The following LRMDA variants were observed in gnomAD, a reference collection of about 807,000 sequenced individuals.
LRMDA encodes leucine-rich melanocyte differentiation-associated protein.
A neutral mutation model predicts 29.8 loss-of-function variants in LRMDA; 18 were observed. That is an observed-to-expected ratio of 0.60 (90% CI 0.42 to 0.90). LRMDA has a LOEUF of 0.90. Among genes scored for constraint, LRMDA ranks in the 40% least tolerant of loss-of-function variants. The probability of loss-of-function intolerance (pLI) is 0.00; values close to 1 mark genes in which losing one functional copy is unlikely to be tolerated. For synonymous variants in LRMDA, 125 were observed against 109.4 expected, an observed-to-expected ratio of 1.14 and a Z score of -0.89; for missense variants, 273 against 273.9, an observed-to-expected ratio of 1.00 and a Z score of 0.02.
chr10:75,974,559 C>T (rs1461553042), intron 2 of LRMDA, among the ~76,000 whole-genome samples: 1 of 152,140 alleles, frequency 6.6e-6, no homozygotes, highest in Non-Finnish European at 1.5e-5. Flanking sequence ...ACACTAAGGG[C>T]CAGGCCTATT....
At chr10:76,429,408 T>A (rs1490693998) in intron 6 of LRMDA, among the ~76,000 whole-genome samples, 2 of 152,124 alleles carry the variant, frequency 1.3e-5, no homozygotes, top group Admixed American at 1.3e-4. Flanking sequence ...CTTATGAAGA[T>A]TGCATGTCAA....
chr10:75,451,690 T>C (rs1844463530), intron 2 of LRMDA: 1 of 152,158 alleles, frequency 6.6e-6, no homozygotes, highest in African/African-American at 2.4e-5. Flanking sequence ...TGCTTTTGAC[T>C]TACTACACTT....
chr10:76,554,671 C>T (rs558347545), intron 6 of LRMDA, among the ~76,000 whole-genome samples: 24 of 152,266 alleles, frequency 1.6e-4, no homozygotes, highest in Non-Finnish European at 1.5e-4. Context: ...AAAGAAGGCT[C>T]GGGAATGTGG....
chr10:75,907,352 A>C (rs1210232973), intron 2 of LRMDA, among the ~76,000 whole-genome samples: 1 of 152,254 alleles, frequency 6.6e-6, no homozygotes, highest in Non-Finnish European at 1.5e-5. Flanking sequence ...TCATTAGCTT[A>C]GCCAGACACA....
chr10:76,373,566 CTG>C (rs921392847), intron 6 of LRMDA, among the ~76,000 whole-genome samples: 27 of 152,170 alleles, frequency 1.8e-4, no homozygotes, highest in African/African-American at 6.0e-4. Context: ...TTGTTATCTC[CTG>C]TGTTTTTTAA....
intron 2 of LRMDA, among the ~76,000 whole-genome samples, chr10:75,715,359 T>C (rs1842487275): frequency 6.6e-6 from 1 of 152,176 alleles, no homozygotes; most frequent in African/African-American, 2.4e-5. Flanking sequence ...TGTAGAAAGT[T>C]TGCAAAGATC....
chr10:75,876,398 T>A (rs1589237520), intron 2 of LRMDA, among the ~76,000 whole-genome samples: 1 of 152,110 alleles, frequency 6.6e-6, no homozygotes, highest in African/African-American at 2.4e-5. Context: ...GAAGCCAGTG[T>A]AGAAATTCAG....
chr10:75,799,595 A>G (rs1394973230), intron 2 of LRMDA, among the ~76,000 whole-genome samples: 1 of 149,642 alleles, frequency 6.7e-6, no homozygotes, highest in East Asian at 2.0e-4. Flanking sequence ...GCTCACTGCA[A>G]CCTCCGCCTC....
Position 75,438,486 on chromosome 10 carries a change from CCTT to C in LRMDA, c.126_128del (p.Leu43del), listed in dbSNP as rs1844288198. ...CAAAGAGGCTTGATCTGAGCTTTAA[CCTT>C]CTGAGGTATGTAACCTTCACAAGAT... On this transcript the variant is annotated inframe_deletion, in exon 2 of 7. Coordinates refer to ENST00000611255, the MANE Select transcript of LRMDA (RefSeq NM_001305581.2). 5.8e-6 allele frequency: 9 copies of C among 1,550,580 alleles called. No individual in the cohort carries two copies. Among genetic ancestry groups the C allele is most frequent in the Non-Finnish European group, 7.8e-6 (9 of 1,146,898 alleles).
At chr10:76,418,937 G>T (rs933811013) in intron 6 of LRMDA, among the ~76,000 whole-genome samples, 3 of 152,064 alleles carry the variant, frequency 2.0e-5, no homozygotes, top group Non-Finnish European at 4.4e-5. Context: ...ATTTTAGGAA[G>T]AAGTTTCAGG....
chr10:76,506,490 T>A (rs1306529868), intron 6 of LRMDA, among the ~76,000 whole-genome samples: 1 of 152,078 alleles, frequency 6.6e-6, no homozygotes, highest in Non-Finnish European at 1.5e-5. Flanking sequence ...ATGGTGGATC[T>A]CCCCTTATTT....
intron 2 of LRMDA, among the ~76,000 whole-genome samples, chr10:75,725,257 T>C (rs1842617503): frequency 6.6e-6 from 1 of 152,206 alleles, no homozygotes; most frequent in South Asian, 2.1e-4. Flanking sequence ...ACAAAATTAT[T>C]CCTGTAATCC....
At chr10:76,380,170 A>G (rs1841572252) in intron 6 of LRMDA, among the ~76,000 whole-genome samples, 1 of 152,182 alleles carries the variant, frequency 6.6e-6, no homozygotes, top group Non-Finnish European at 1.5e-5. Flanking sequence ...GATGAGAAGA[A>G]TGTATATTCT....
intron 2 of LRMDA, among the ~76,000 whole-genome samples, chr10:75,885,274 A>T (rs9730752): frequency 0.14 from 20,751 of 152,196 alleles, 1,868 homozygotes; most frequent in Non-Finnish European, 0.2. Flanking sequence ...GGCTGTTTGC[A>T]TGCTTGGTAG....
chr10:75,727,169 T>A (rs1332675088), intron 2 of LRMDA, among the ~76,000 whole-genome samples: 1 of 152,214 alleles, frequency 6.6e-6, no homozygotes, highest in Non-Finnish European at 1.5e-5. Flanking sequence ...CTGGTATTTA[T>A]CTTTGCCATC....
chr10:75,827,408 A>G (rs866368670), intron 2 of LRMDA, among the ~76,000 whole-genome samples: 44 of 152,202 alleles, frequency 2.9e-4, no homozygotes, highest in African/African-American at 1.0e-3. Flanking sequence ...ACCTGGAGAC[A>G]TTTAAACACA....
intron 2 of LRMDA, among the ~76,000 whole-genome samples, chr10:75,598,481 TGTA>T (rs1210680178): frequency 1.3e-5 from 2 of 152,128 alleles, no homozygotes; most frequent in Non-Finnish European, 2.9e-5. Flanking sequence ...TGCTGGACGA[TGTA>T]GTATGTTTTC....
intron 2 of LRMDA, among the ~76,000 whole-genome samples, chr10:75,854,680 T>G (rs1268965395): frequency 7.2e-5 from 11 of 152,094 alleles, no homozygotes; most frequent in African/African-American, 2.7e-4. Context: ...AACTCGTCAC[T>G]TAACATTAAG....
intron 2 of LRMDA, among the ~76,000 whole-genome samples, chr10:75,549,481 C>G (rs1840117090): frequency 6.6e-6 from 1 of 152,034 alleles, no homozygotes; most frequent in South Asian, 2.1e-4. Context: ...TTTTTAGAGA[C>G]AAGGTATTGT....
Sources: gnomAD v4.1 joint callset for allele counts (sites outside exome capture counted in the v4.1 genomes callset) on GRCh38, gnomAD v4.1.1 for gene constraint, MANE v1.5 for transcripts, NCBI Gene and HGNC (gene_info 2026-07-23, HGNC 2026-07-21) for gene names.